RANBP2: variants seen among roughly 807,000 people sequenced by gnomAD.
RANBP2 encodes E3 SUMO-protein ligase RanBP2.
In RANBP2, 57 loss-of-function variants were observed where a neutral mutation model predicts 303.6. The ratio of observed to expected loss-of-function variants is 0.19; its 90% CI spans 0.15 to 0.23. The LOEUF is 0.23. Among genes scored for constraint, RANBP2 ranks in the 10% least tolerant of loss-of-function variants. RANBP2 has a pLI of 1.00. For synonymous variants in RANBP2, 1,167 were observed against 1,301.5 expected (o/e 0.90, Z 2.23); for missense variants, 3,138 against 3,780.8 (o/e 0.83, Z 4.46).
At chr2:109,374,178 G>T in the RANBP2 span, among the ~76,000 whole-genome samples, 1 of 152,134 alleles carries the variant, frequency 6.6e-6, no homozygotes, top group Non-Finnish European at 1.5e-5. Context: ...TGGATAGGAA[G>T]CCCTGGACTG....
chr2:109,627,905 G>A, the RANBP2 span, among the ~76,000 whole-genome samples: 1 of 152,228 alleles, frequency 6.6e-6, no homozygotes, highest in South Asian at 2.1e-4. Context: ...ATAATCAGTT[G>A]AGGAGGGCTA....
At chr2:109,501,183 G>GTGGT in the RANBP2 span, among the ~76,000 whole-genome samples, 1 of 152,266 alleles carries the variant, frequency 6.6e-6, no homozygotes, top group East Asian at 1.9e-4. Flanking sequence ...GTCTAGGTGG[G>GTGGT]TGGGCCAGGG....
the RANBP2 span, among the ~76,000 whole-genome samples, chr2:109,045,949 T>C: frequency 1.3e-5 from 2 of 151,516 alleles, no homozygotes; most frequent in Admixed American, 6.6e-5. Flanking sequence ...TTTTAGGAAA[T>C]AAAACATCTA....
the RANBP2 span, among the ~76,000 whole-genome samples, chr2:109,452,011 T>C: frequency 6.6e-6 from 1 of 152,228 alleles, no homozygotes; most frequent in Non-Finnish European, 1.5e-5. Flanking sequence ...TTGTGTGTGC[T>C]TTTCATTCCC....
chr2:109,252,283 A>G, the RANBP2 span, among the ~76,000 whole-genome samples: 1 of 152,126 alleles, frequency 6.6e-6, no homozygotes, highest in Non-Finnish European at 1.5e-5. Context: ...CAACATTATA[A>G]TTTAAAAAGA....
At chr2:109,499,463 C>T in the RANBP2 span, among the ~76,000 whole-genome samples, 1 of 152,208 alleles carries the variant, frequency 6.6e-6, no homozygotes, top group East Asian at 1.9e-4. Context: ...TTCTCTCAGC[C>T]CTTACTGCAC....
At chr2:109,114,418 C>A in the RANBP2 span, among the ~76,000 whole-genome samples, 2 of 151,836 alleles carry the variant, frequency 1.3e-5, no homozygotes, top group South Asian at 2.1e-4. Context: ...GTTTATTTGC[C>A]TAGAGGTGTT....
At chr2:109,545,621 T>C in the RANBP2 span, 5 of 1,528,146 alleles carry the variant, frequency 3.3e-6, no homozygotes, top group Non-Finnish European at 4.4e-6. Flanking sequence ...ATTAATTCAA[T>C]AAAATACTAT....
At chr2:108,886,519 G>A in the RANBP2 span, among the ~76,000 whole-genome samples, 19 of 152,116 alleles carry the variant, frequency 1.2e-4, no homozygotes, top group African/African-American at 2.6e-4. Context: ...GGTTCACGCC[G>A]TTCTCCTGCC....
the RANBP2 span, among the ~76,000 whole-genome samples, chr2:109,278,845 A>G: frequency 6.6e-6 from 1 of 152,220 alleles, no homozygotes; most frequent in Non-Finnish European, 1.5e-5. Context: ...GGCTAAGCCC[A>G]GGGTCAAGTG....
chr2:108,878,277 A>G, the RANBP2 span: 1 of 162,848 alleles, frequency 6.1e-6, no homozygotes. Flanking sequence ...CTCCATCATC[A>G]TGATGTGTAC....
chr2:108,962,674 CAAAAAAA>C, the RANBP2 span, among the ~76,000 whole-genome samples: 178 of 66,876 alleles, frequency 2.7e-3, no homozygotes, highest in African/African-American at 0.013. Context: ...GACTCTGTCT[CAAAAAAA>C]AAAAAAAAAA....
chr2:109,085,390 G>T, the RANBP2 span, among the ~76,000 whole-genome samples: 1 of 152,020 alleles, frequency 6.6e-6, no homozygotes, highest in African/African-American at 2.4e-5. Flanking sequence ...TGCAATCTCC[G>T]CCTCCTGAGT....
the RANBP2 span, chr2:109,546,349 C>T: frequency 7.2e-6 from 4 of 555,932 alleles, no homozygotes; most frequent in African/African-American, 1.9e-5. Context: ...ATAACCTACA[C>T]AGTCAAAATC....
the RANBP2 span, among the ~76,000 whole-genome samples, chr2:109,506,061 G>A: frequency 6.6e-6 from 1 of 152,208 alleles, no homozygotes; most frequent in South Asian, 2.1e-4. Context: ...AAGCAAACAA[G>A]TAATTTGCCT....
the RANBP2 span, among the ~76,000 whole-genome samples, chr2:108,928,517 G>A: frequency 6.6e-6 from 1 of 152,140 alleles, no homozygotes; most frequent in Non-Finnish European, 1.5e-5. Flanking sequence ...AGCTGTACCA[G>A]GGACACCACC....
the RANBP2 span, among the ~76,000 whole-genome samples, chr2:109,429,484 T>C: frequency 6.6e-6 from 1 of 152,110 alleles, no homozygotes; most frequent in Non-Finnish European, 1.5e-5. Context: ...CCAAGTGCAC[T>C]AGTGCCCTGG....
the RANBP2 span, among the ~76,000 whole-genome samples, chr2:109,028,803 A>G: frequency 6.6e-6 from 1 of 152,170 alleles, no homozygotes; most frequent in Non-Finnish European, 1.5e-5. Flanking sequence ...CATCGGGTCT[A>G]AGCCCCACTC....
At chr2:109,468,824 A>G in the RANBP2 span, among the ~76,000 whole-genome samples, 1 of 147,572 alleles carries the variant, frequency 6.8e-6, no homozygotes, top group Non-Finnish European at 1.5e-5. Context: ...AGTGCACTCC[A>G]GCCTGGGCAA....
Sources: allele counts gnomAD v4.1 joint callset (sites outside exome capture counted in the v4.1 genomes callset), GRCh38; gene constraint gnomAD v4.1.1; transcripts MANE v1.5; gene names NCBI Gene and HGNC (gene_info 2026-07-23, HGNC 2026-07-21).